Variants in SDCCAG8 observed in about 807,000 individuals in gnomAD.
SDCCAG8 encodes SHH signaling and ciliogenesis regulator SDCCAG8.
Under a neutral mutation model 101.8 loss-of-function variants are expected in SDCCAG8, and 74 were observed. The observed-to-expected ratio is 0.73, with a 90% CI of 0.60 to 0.88. The LOEUF is 0.88. Among genes scored for constraint, SDCCAG8 ranks in the 40% least tolerant of loss-of-function variants. SDCCAG8 has a pLI of 0.00. For missense variants in SDCCAG8, 787 were observed against 822.6 expected (o/e 0.96, Z 0.53); for synonymous variants, 281 against 292.9 (o/e 0.96, Z 0.41).
intron 17 of SDCCAG8, among the ~76,000 whole-genome samples, chr1:243,489,958 G>T (rs1052909896): frequency 1.3e-5 from 2 of 152,302 alleles, no homozygotes; most frequent in African/African-American, 4.8e-5. Context: ...ATTTTGCCCC[G>T]TCAAGCAGTT....
intron 10 of SDCCAG8, among the ~76,000 whole-genome samples, chr1:243,332,993 C>T (rs1331657088): frequency 2.6e-5 from 4 of 152,230 alleles, no homozygotes; most frequent in Admixed American, 1.3e-4. Context: ...CTCAAATTCT[C>T]TATAATACCA....
chr1:243,498,684 C>T (rs1443169576), intron 17 of SDCCAG8, among the ~76,000 whole-genome samples: 4 of 152,226 alleles, frequency 2.6e-5, no homozygotes, highest in African/African-American at 7.2e-5. Flanking sequence ...CTCTTGAATG[C>T]GGATTCAGTT....
At chr1:243,488,885 C>T (rs1665681629) in intron 16 of SDCCAG8, 129 bp from the exon 17 acceptor site, 2 of 1,340,524 alleles carry the variant, frequency 1.5e-6, no homozygotes, top group Non-Finnish European at 2.1e-6. Flanking sequence ...GAGCCTGGCA[C>T]CTCAGGGTCA....
rs773193590 is a variant in SDCCAG8, at chr1:243,378,732, A to G, written c.1485A>G (p.Lys495=). 1.2e-6 allele frequency: 2 copies of G among 1,614,002 alleles called. No homozygotes were observed. Among genetic ancestry groups the G allele is most frequent in the Non-Finnish European group, 1.7e-6 (2 of 1,179,942 alleles). The change falls in exon 13 of 18, where the codon AAA becomes AAG. Residue 495 remains lysine (K), a synonymous_variant. Transcript: ENST00000366541. The part of the protein sequence containing the change: ...DLEIKDQEIE[K]LRIELDESKQ... ...TCTCTCTACCTAAGGAAATAGAGAA[A>G]TTGAGAATAGAACTGGATGAAAGCA... is the stretch of plus-strand genomic sequence containing the variant.
At chr1:243,259,980 G>A (rs1021412828) in intron 1 of SDCCAG8, among the ~76,000 whole-genome samples, 1 of 152,120 alleles carries the variant, frequency 6.6e-6, no homozygotes, top group Non-Finnish European at 1.5e-5. Context: ...GCCTCATTTT[G>A]ACCTTGATGA....
intron 17 of SDCCAG8, among the ~76,000 whole-genome samples, chr1:243,498,978 C>G (rs1328989185): frequency 1.3e-5 from 2 of 152,228 alleles, no homozygotes; most frequent in Non-Finnish European, 2.9e-5. Context: ...GGCCCAGTCA[C>G]CTTCCCACAC....
intron 4 of SDCCAG8, among the ~76,000 whole-genome samples, chr1:243,281,793 C>A (rs917770340): frequency 4.6e-5 from 7 of 151,466 alleles, no homozygotes; most frequent in African/African-American, 1.7e-4. Flanking sequence ...TACAGACATG[C>A]ACCACTATGC....
At chr1:243,265,449 A>G (rs1036476312) in intron 1 of SDCCAG8, among the ~76,000 whole-genome samples, 2 of 152,234 alleles carry the variant, frequency 1.3e-5, no homozygotes, top group African/African-American at 4.8e-5. Flanking sequence ...TTTAACATGT[A>G]GTCTTTGAAT....
At chr1:243,314,855 G>A (rs2073093409) in intron 8 of SDCCAG8, among the ~76,000 whole-genome samples, 1 of 152,130 alleles carries the variant, frequency 6.6e-6, no homozygotes, top group African/African-American at 2.4e-5. Context: ...GACTACAGGT[G>A]CGCACTACCA....
rs376706622 is a variant in SDCCAG8, at chr1:243,416,862, CTTGAT to C, written c.1744+1036_1744+1040del. On this transcript the variant is annotated intron_variant, in intron 14 of 17. Transcript: ENST00000366541. This position sits in a 1 kb window ranked among gnomAD's most constrained non-coding sequence, Gnocchi z 4.3. ...GAAAAATGTTGCTTAATTTTAGTGC[CTTGAT>C]TTATTTTGATTTGTATGCTATATGC... 1.5e-3 allele frequency among the ~76,000 whole-genome samples: 227 copies of C among 152,148 alleles called. No homozygotes were observed. In the East Asian group the frequency reaches 0.024, roughly 16 times the overall value.
chr1:243,270,458 A>G (rs2067993879), intron 2 of SDCCAG8, among the ~76,000 whole-genome samples: 1 of 152,212 alleles, frequency 6.6e-6, no homozygotes, highest in Non-Finnish European at 1.5e-5. Flanking sequence ...ATTCTTAGTT[A>G]TAAAATAACA....
At chr1:243,437,817 C>T (rs1039639947) in intron 16 of SDCCAG8, among the ~76,000 whole-genome samples, 1 of 152,162 alleles carries the variant, frequency 6.6e-6, no homozygotes, top group Admixed American at 6.5e-5. Context: ...GGATGACAGG[C>T]GTGAGCCACC....
chr1:243,304,599 GT>G (rs2071891206), intron 6 of SDCCAG8, 113 bp from the exon 7 acceptor site: 2 of 653,732 alleles, frequency 3.1e-6, no homozygotes, highest in Admixed American at 5.6e-5. Context: ...AAGAAGACAT[GT>G]TTCCCCCACG....
chr1:243,351,013 G>A (rs899710744), intron 12 of SDCCAG8, among the ~76,000 whole-genome samples: 3 of 152,154 alleles, frequency 2.0e-5, no homozygotes, highest in African/African-American at 7.2e-5. Flanking sequence ...TCTATTCTCT[G>A]CTTTGTGTCT....
intron 6 of SDCCAG8, among the ~76,000 whole-genome samples, chr1:243,298,255 C>T (rs1435297789): frequency 3.3e-5 from 5 of 150,606 alleles, no homozygotes; most frequent in African/African-American, 7.3e-5. Context: ...TTCACCATGT[C>T]GGCCAGACTA....
intron 16 of SDCCAG8, among the ~76,000 whole-genome samples, chr1:243,450,493 A>G (rs1028535071): frequency 6.6e-6 from 1 of 152,168 alleles, no homozygotes; most frequent in Admixed American, 6.6e-5. Context: ...GACCTTGGAG[A>G]TATGGAAGAT....
chr1:243,310,254 C>T (rs1362330110), intron 8 of SDCCAG8, among the ~76,000 whole-genome samples: 1 of 151,918 alleles, frequency 6.6e-6, no homozygotes, highest in Non-Finnish European at 1.5e-5. Context: ...CATATAGTCT[C>T]AATATAACTA....
At chr1:243,376,928 A>G (rs2077631933) in intron 12 of SDCCAG8, among the ~76,000 whole-genome samples, 1 of 152,174 alleles carries the variant, frequency 6.6e-6, no homozygotes, top group African/African-American at 2.4e-5. Context: ...ATTAATCTAC[A>G]ATTAAAGAGC....
chr1:243,367,895 A>G (rs903278693), intron 12 of SDCCAG8, among the ~76,000 whole-genome samples: 6 of 151,850 alleles, frequency 4.0e-5, no homozygotes, highest in Middle Eastern at 3.2e-3. Context: ...TGTCAAGTAC[A>G]TGGCTGACAT....
Sources: allele counts gnomAD v4.1 joint callset (sites outside exome capture counted in the v4.1 genomes callset), GRCh38; gene constraint gnomAD v4.1.1; non-coding constraint Gnocchi (gnomAD v3.1); transcripts MANE v1.5; gene names NCBI Gene and HGNC (gene_info 2026-07-23, HGNC 2026-07-21).